Variants in SLC13A3 observed in about 807,000 individuals in gnomAD.
SLC13A3 encodes the protein solute carrier family 13 member 3.
A neutral mutation model predicts 59.0 loss-of-function variants in SLC13A3; 40 were observed. That is an observed-to-expected ratio of 0.68 (90% CI 0.53 to 0.88). SLC13A3 has a LOEUF of 0.88. SLC13A3 is among the 40% of genes least tolerant of loss of function. The pLI is 0.00. For synonymous variants in SLC13A3, 317 were observed against 330.3 expected, an observed-to-expected ratio of 0.96 and a Z score of 0.44; for missense variants, 699 against 783.2, an observed-to-expected ratio of 0.89 and a Z score of 1.28.
intron 1 of SLC13A3, among the ~76,000 whole-genome samples, chr20:46,621,701 C>G (rs772096477): frequency 6.6e-6 from 1 of 152,178 alleles, no homozygotes; most frequent in Non-Finnish European, 1.5e-5. Context: ...CCCAGGAGGT[C>G]TTAAGCAATC....
chr20:46,638,857 C>T (rs1051465867), intron 1 of SLC13A3, among the ~76,000 whole-genome samples: 35 of 152,262 alleles, frequency 2.3e-4, no homozygotes, highest in Admixed American at 1.0e-3. Context: ...TTAGCAGCAT[C>T]GCTGGCCTCT....
At chr20:46,674,523 A>T (rs2063110871), upstream of SLC13A3, among the ~76,000 whole-genome samples, 1 of 151,784 alleles carries the variant, frequency 6.6e-6, no homozygotes. Flanking sequence ...TTTTTGTTCC[A>T]AACCTCAGGC....
intron 8 of SLC13A3, among the ~76,000 whole-genome samples, chr20:46,586,581 T>G (rs551444131): frequency 6.6e-6 from 1 of 152,320 alleles, no homozygotes; most frequent in East Asian, 1.9e-4. Flanking sequence ...CCTATTGAGC[T>G]TGACAAGTCT....
chr20:46,584,964 G>T (rs1393520288), intron 8 of SLC13A3: 3 of 176,414 alleles, frequency 1.7e-5, no homozygotes, highest in Non-Finnish European at 3.3e-5. Context: ...GTCAATCTAT[G>T]TATTGACATA....
intron 1 of SLC13A3, among the ~76,000 whole-genome samples, chr20:46,643,355 C>G (rs950438096): frequency 6.6e-6 from 1 of 152,072 alleles, no homozygotes; most frequent in African/African-American, 2.4e-5. Flanking sequence ...AAGATAGGGG[C>G]AGGGACGGCC....
intron 1 of SLC13A3, among the ~76,000 whole-genome samples, chr20:46,621,479 G>A (rs960437112): frequency 2.6e-5 from 4 of 152,178 alleles, no homozygotes; most frequent in African/African-American, 9.7e-5. Context: ...TTACAAAAGT[G>A]TCTATAACTT....
intron 11 of SLC13A3, among the ~76,000 whole-genome samples, chr20:46,565,565 C>G (rs564464781): frequency 2.4e-4 from 36 of 152,272 alleles, no homozygotes; most frequent in African/African-American, 8.4e-4. Flanking sequence ...CTCAAGCAAT[C>G]TGCCTGCTTC....
chr20:46,619,396 A>C (rs1320985794), intron 1 of SLC13A3, among the ~76,000 whole-genome samples: 1 of 152,230 alleles, frequency 6.6e-6, no homozygotes, highest in Non-Finnish European at 1.5e-5. Context: ...CTCCATCTGC[A>C]CTGCCCTTGA....
In SLC13A3 at chr20:46,583,495, C is replaced by T; in HGVS notation, c.1219+77G>A. ...ACCACGTGGTTAGTGCAGTGGGGGG[C>T]TCCAGGCCCTTGATGACCACACTCC... On this transcript the variant is annotated intron_variant, in intron 9 of 12. Coordinates refer to ENST00000279027, the MANE Select transcript of SLC13A3 (RefSeq NM_022829.6). The T allele has an allele frequency of 1.9e-6, 3 of 1,574,944 alleles. No individual in the cohort carries two copies. The South Asian group carries it at 3.5e-5, about 18-fold the overall frequency.
intron 1 of SLC13A3, among the ~76,000 whole-genome samples, chr20:46,646,811 ATAT>A (rs1288932860): frequency 6.6e-6 from 1 of 152,240 alleles, no homozygotes; most frequent in Admixed American, 6.5e-5. Context: ...AAAGAATATA[ATAT>A]TATGGCTGTG....
At chr20:46,586,818 T>G (rs2062197757) in intron 8 of SLC13A3, among the ~76,000 whole-genome samples, 1 of 152,202 alleles carries the variant, frequency 6.6e-6, no homozygotes, top group South Asian at 2.1e-4. Flanking sequence ...AAATGTCTCC[T>G]GTAAAAAGCC....
intron 7 of SLC13A3, among the ~76,000 whole-genome samples, chr20:46,588,547 G>A (rs190981921): frequency 6.6e-6 from 1 of 152,252 alleles, no homozygotes; most frequent in East Asian, 1.9e-4. Context: ...AAGAGAAAGA[G>A]GAGCATTCAT....
chr20:46,663,294 A>G (rs1433180219), intron 1 of SLC13A3, among the ~76,000 whole-genome samples: 1 of 152,036 alleles, frequency 6.6e-6, no homozygotes, highest in East Asian at 1.9e-4. Flanking sequence ...AAAATTACAA[A>G]ATTAGCAGGC....
intron 1 of SLC13A3, among the ~76,000 whole-genome samples, chr20:46,680,811 T>A (rs1298910995): frequency 6.6e-6 from 1 of 152,246 alleles, no homozygotes. Context: ...GCTGTGGATG[T>A]TGATCCCAAG....
At chr20:46,599,400 T>C (rs2062350148) in intron 4 of SLC13A3, among the ~76,000 whole-genome samples, 1 of 152,264 alleles carries the variant, frequency 6.6e-6, no homozygotes, top group South Asian at 2.1e-4. Flanking sequence ...GCCAACCTGC[T>C]CTGTCTACAT....
upstream of SLC13A3, among the ~76,000 whole-genome samples, chr20:46,671,979 C>T (rs979261382): frequency 4.6e-5 from 7 of 152,202 alleles, no homozygotes. Context: ...CAATCTGATA[C>T]ACCTGTCCCA....
rs536313167 is a variant in SLC13A3 at position 46,564,127 on chromosome 20, C to T, written c.1495-576G>A. Among the ~76,000 whole-genome samples the T allele has an allele frequency of 3.3e-5, 5 of 152,342 alleles. No homozygotes were observed. In the South Asian group the frequency reaches 6.2e-4, roughly 19 times the overall value. ...AAAATACTTCCTCTGCCTGCTCCTT[C>T]CCTCAGCCAAACAATCTCAACCCAG... is the stretch of plus-strand genomic sequence containing the variant. On this transcript the variant is annotated intron_variant, in intron 11 of 12. Coordinates refer to ENST00000279027, the MANE Select transcript of SLC13A3 (RefSeq NM_022829.6).
intron 1 of SLC13A3, among the ~76,000 whole-genome samples, chr20:46,636,494 C>T (rs998606690): frequency 2.6e-5 from 4 of 152,222 alleles, no homozygotes; most frequent in Non-Finnish European, 5.9e-5. Context: ...ATTCAGGACA[C>T]GTGGATTAAG....
chr20:46,684,403 C>T (rs560058449), exon 1 of SLC13A3: 3 of 152,360 alleles, frequency 2.0e-5, no homozygotes, highest in African/African-American at 7.2e-5. Flanking sequence ...CACAGTTCAG[C>T]ATGGCTGGGG....
Sources: gnomAD v4.1 joint callset for allele counts (sites outside exome capture counted in the v4.1 genomes callset) on GRCh38, gnomAD v4.1.1 for gene constraint, MANE v1.5 for transcripts, NCBI Gene and HGNC (gene_info 2026-07-23, HGNC 2026-07-21) for gene names.